Variants in TJP1 observed in about 807,000 individuals in gnomAD.
TJP1 encodes tight junction protein 1.
Under a neutral mutation model 194.2 loss-of-function variants are expected in TJP1, and 43 were observed. The ratio of observed to expected loss-of-function variants is 0.22; its 90% CI spans 0.17 to 0.29. TJP1 has a LOEUF of 0.29. Among genes scored for constraint, TJP1 ranks in the 10% least tolerant of loss-of-function variants. TJP1 has a pLI of 1.00. For synonymous variants in TJP1, 801 were observed against 779.0 expected, an observed-to-expected ratio of 1.03 and a Z score of -0.47; for missense variants, 1,971 against 2,185.7, an observed-to-expected ratio of 0.90 and a Z score of 1.96.
chr15:29,818,752 G>A (rs892584820), intron 1 of TJP1, among the ~76,000 whole-genome samples: 1 of 143,582 alleles, frequency 7.0e-6, no homozygotes, highest in Non-Finnish European at 1.5e-5. Flanking sequence ...TCCTGACGTC[G>A]TGATCCGCCC....
At chr15:29,848,835 G>A (rs1039684805) in intron 2 of TJP1, among the ~76,000 whole-genome samples, 3 of 152,032 alleles carry the variant, frequency 2.0e-5, no homozygotes, top group Non-Finnish European at 4.4e-5. Context: ...CACCAGCCTG[G>A]CGACAGAGTG....
chr15:29,911,484 A>G (rs904363578), intron 2 of TJP1, among the ~76,000 whole-genome samples: 1 of 152,218 alleles, frequency 6.6e-6, no homozygotes, highest in African/African-American at 2.4e-5. Flanking sequence ...CATGGGCTGT[A>G]CAGGAAGCAT....
At chr15:29,733,682 T>C (rs1044054441) in intron 12 of TJP1, among the ~76,000 whole-genome samples, 11 of 152,204 alleles carry the variant, frequency 7.2e-5, no homozygotes, top group African/African-American at 2.7e-4. Flanking sequence ...TTTGCCAATA[T>C]GCAGTTTTGA....
chr15:29,853,881 A>C (rs1167302359), intron 2 of TJP1, among the ~76,000 whole-genome samples: 1 of 152,218 alleles, frequency 6.6e-6, no homozygotes, highest in South Asian at 2.1e-4. Context: ...TTACATGGGA[A>C]TAAAATGATG....
rs200248953 is a variant in TJP1, at chr15:29,946,650, G to A, written c.306+9582C>T. Among the ~76,000 whole-genome samples, 7 of 152,204 alleles carry A rather than the reference G, an allele frequency of 4.6e-5. No individual in the cohort carries two copies. In the East Asian group the frequency reaches 7.7e-4, roughly 17 times the overall value. On this transcript the variant is annotated intron_variant, in intron 2 of 28. Transcript: ENST00000356107. ...AGGCCATGAAGGACAGGGAAAGGCC[G>A]ATTTCTGTTTCCATTTTCAGTGCCC...
chr15:29,802,947 A>C (rs1271015349), intron 1 of TJP1, among the ~76,000 whole-genome samples: 1 of 152,038 alleles, frequency 6.6e-6, no homozygotes, highest in African/African-American at 2.4e-5. Context: ...CTTAATGAAC[A>C]CAGTTTTCCA....
intron 1 of TJP1, among the ~76,000 whole-genome samples, chr15:29,958,645 C>T (rs530222246): frequency 6.6e-6 from 1 of 152,040 alleles, no homozygotes; most frequent in African/African-American, 2.4e-5. Flanking sequence ...TATATGTATC[C>T]ATCACACACG....
At chr15:29,738,166 T>A (rs1678900341) in intron 10 of TJP1, among the ~76,000 whole-genome samples, 1 of 152,196 alleles carries the variant, frequency 6.6e-6, no homozygotes, top group South Asian at 2.1e-4. Flanking sequence ...TTCTAAGAAC[T>A]GACTGGATAG....
upstream of TJP1, among the ~76,000 whole-genome samples, chr15:29,969,046 C>T (rs1394141200): frequency 6.8e-6 from 1 of 147,206 alleles, no homozygotes; most frequent in African/African-American, 2.4e-5. Context: ...CGTGGCCCGG[C>T]GGCGCGCTCC....
chr15:29,902,818 G>A (rs1230097138), intron 2 of TJP1, among the ~76,000 whole-genome samples: 3 of 152,050 alleles, frequency 2.0e-5, no homozygotes, highest in African/African-American at 4.8e-5. Context: ...GGTGGATCAC[G>A]AGGTCAACAG....
chr15:29,867,913 G>A (rs11631551), intron 2 of TJP1, among the ~76,000 whole-genome samples: 10,873 of 152,096 alleles, frequency 0.071, 549 homozygotes, highest in East Asian at 0.26. Context: ...AAAATTAGCC[G>A]GGTGTGGTGG....
At chr15:29,716,880 T>C in intron 22 of TJP1, 42 bp from the exon 23 acceptor site, 1 of 1,502,762 alleles carries the variant, frequency 6.7e-7, no homozygotes. Flanking sequence ...TTTTTAAATA[T>C]TAATGTTATG....
intron 1 of TJP1, among the ~76,000 whole-genome samples, chr15:29,965,304 G>A (rs1185154207): frequency 6.6e-6 from 1 of 152,008 alleles, no homozygotes; most frequent in Non-Finnish European, 1.5e-5. Context: ...CCGCCTCCTA[G>A]GTTCAAGCGA....
At position 29,772,172 on chromosome 15, in the gene TJP1, G is replaced by C. The variant is rs1240614236; in HGVS notation, c.210-6C>G. On this transcript the variant is annotated splice_polypyrimidine_tract_variant and splice_region_variant and intron_variant, in intron 3 of 27. Transcript: ENST00000614355. ...TTGCAACTCGGTCATTTTCCCTAAG[G>C]GGAAAAGGGCACAAAATAATATGTT... is the stretch of plus-strand genomic sequence containing the variant. 2.6e-6 allele frequency: 4 copies of C among 1,559,154 alleles called. No homozygotes were observed. In the East Asian group the frequency reaches 9.2e-5, roughly 36 times the overall value.
intron 15 of TJP1, 181 bp from the exon 16 acceptor site, chr15:29,728,200 T>C: frequency 4.4e-6 from 2 of 459,108 alleles, no homozygotes; most frequent in Non-Finnish European, 7.7e-6. Flanking sequence ...TTTTTTTCAC[T>C]ATTTTTTCAA....
intron 26 of TJP1, among the ~76,000 whole-genome samples, chr15:29,704,814 T>C (rs2041788647): frequency 6.6e-6 from 1 of 152,218 alleles, no homozygotes; most frequent in Non-Finnish European, 1.5e-5. Flanking sequence ...AAGAGATTCA[T>C]GCAGGGCCAA....
intron 2 of TJP1, among the ~76,000 whole-genome samples, chr15:29,835,078 G>A (rs1298726595): frequency 6.6e-6 from 1 of 152,174 alleles, no homozygotes; most frequent in Non-Finnish European, 1.5e-5. Flanking sequence ...GCCAGGAGAA[G>A]TGGGCTGGAT....
Position 29,708,773 on chromosome 15 carries a change from G to T in TJP1, c.4636C>A (p.Pro1546Thr). 1 of 1,614,198 alleles carries T rather than the reference G, an allele frequency of 6.2e-7. No individual in the cohort carries two copies. The highest frequency in any genetic ancestry group is 8.5e-7 in the Non-Finnish European group (1 of 1,180,036). Residue 1546 changes from proline to threonine, a missense_variant, in exon 25 of 28, where the codon CCT becomes ACT. This residue lies in a region of TJP1 where 1,108 missense variants were observed against 1,128.5 expected (regional missense o/e 0.98). Coordinates refer to ENST00000614355, the MANE Select transcript of TJP1 (RefSeq NM_001330239.4). ...ARPFERKFES[P>T]KFNHNLLPSE... ...GGCAGAAGATTGTGATTGAATTTAG[G>T]ACTTTCAAACTTGCGTTCAAATGGT...
At chr15:29,833,881 A>ATATATATTTTT (rs1555434000) in intron 2 of TJP1, among the ~76,000 whole-genome samples, 1 of 12,612 alleles carries the variant, frequency 7.9e-5, no homozygotes, top group Non-Finnish European at 1.4e-4. Context: ...ATATATATAT[A>ATATATATTTTT]TTTTTTTTTT....
Sources: allele counts gnomAD v4.1 joint callset (sites outside exome capture counted in the v4.1 genomes callset), GRCh38; gene constraint gnomAD v4.1.1; regional missense constraint gnomAD v4.1.1; transcripts MANE v1.5; gene names NCBI Gene and HGNC (gene_info 2026-07-23, HGNC 2026-07-21).